The following FAF1 variants were observed in gnomAD, a reference collection of about 807,000 sequenced individuals.
FAF1 encodes the protein FAS-associated factor 1.
A neutral mutation model predicts 92.5 loss-of-function variants in FAF1; 25 were observed. That is an observed-to-expected ratio of 0.27 (90% CI 0.20 to 0.38). The LOEUF is 0.38. Ranked by LOEUF, FAF1 falls within the 10% of genes least tolerant of loss-of-function variation. The probability of loss-of-function intolerance (pLI) is 1.00; values close to 1 mark genes in which losing one functional copy is unlikely to be tolerated. For missense variants in FAF1, 636 were observed against 793.3 expected, an observed-to-expected ratio of 0.80 and a Z score of 2.38; for synonymous variants, 234 against 273.2, an observed-to-expected ratio of 0.86 and a Z score of 1.42.
chr1:50,499,764 A>T (rs1646959622), intron 15 of FAF1, among the ~76,000 whole-genome samples: 2 of 152,024 alleles, frequency 1.3e-5, no homozygotes, highest in South Asian at 4.2e-4. Flanking sequence ...TCTTTTTTCT[A>T]GTCAAGTGAC....
At chr1:50,950,684 C>T (rs149497464) in intron 1 of FAF1, among the ~76,000 whole-genome samples, 11 of 152,200 alleles carry the variant, frequency 7.2e-5, no homozygotes, top group Non-Finnish European at 1.5e-4. Context: ...TATGTGCATT[C>T]CAAGGCTTCT....
chr1:50,908,128 T>A (rs1455620434), intron 1 of FAF1, among the ~76,000 whole-genome samples: 2 of 152,256 alleles, frequency 1.3e-5, no homozygotes, highest in Non-Finnish European at 2.9e-5. Flanking sequence ...TTTCGTTATA[T>A]ACCCAGTAGT....
At chr1:50,931,118 G>A (rs1645043918) in intron 1 of FAF1, among the ~76,000 whole-genome samples, 1 of 151,880 alleles carries the variant, frequency 6.6e-6, no homozygotes, top group Non-Finnish European at 1.5e-5. Context: ...CCAACCTGAT[G>A]GTCTCTACCT....
chr1:50,933,759 A>G (rs574656774), intron 1 of FAF1, among the ~76,000 whole-genome samples: 1 of 152,364 alleles, frequency 6.6e-6, no homozygotes, highest in South Asian at 2.1e-4. Context: ...GAACAAAGAG[A>G]GGTTTAATTC....
intron 6 of FAF1, among the ~76,000 whole-genome samples, chr1:50,733,421 G>A (rs575225575): frequency 1.3e-5 from 2 of 152,206 alleles, no homozygotes; most frequent in South Asian, 2.1e-4. Context: ...GGCTCCACCC[G>A]TATCTCTCTG....
intron 1 of FAF1, among the ~76,000 whole-genome samples, chr1:50,920,301 C>CA (rs370759273): frequency 0.018 from 1,662 of 90,794 alleles, 16 homozygotes; most frequent in African/African-American, 0.044. Context: ...GACTCTGTCT[C>CA]AAAAAAAAAA....
intron 13 of FAF1, among the ~76,000 whole-genome samples, chr1:50,557,584 A>G (rs1471986816): frequency 6.6e-6 from 1 of 152,202 alleles, no homozygotes; most frequent in Non-Finnish European, 1.5e-5. Context: ...ATCTTTTAGC[A>G]TCTATGCAGA....
rs1462610243 is a variant in FAF1, at chr1:50,825,401, A to G, written c.115-23724T>C. ...TACTAACTATGCAACAAATATTACA[A>G]AGTCCTATGTAATACAAGACATAGG... On this transcript the variant is annotated intron_variant, in intron 2 of 18. Transcript: ENST00000396153. 2.6e-5 allele frequency among the ~76,000 whole-genome samples: 4 copies of G among 152,108 alleles called. No homozygotes were observed. The East Asian group carries it at 7.7e-4, about 29-fold the overall frequency.
At chr1:50,725,580 C>G (rs1217915492) in intron 6 of FAF1, among the ~76,000 whole-genome samples, 2 of 152,064 alleles carry the variant, frequency 1.3e-5, no homozygotes, top group Non-Finnish European at 2.9e-5. Flanking sequence ...CTCAGCTATA[C>G]GAGTAGCTGG....
chr1:50,926,790 A>G (rs1355674100), intron 1 of FAF1, among the ~76,000 whole-genome samples: 5 of 152,224 alleles, frequency 3.3e-5, no homozygotes, highest in African/African-American at 1.2e-4. Flanking sequence ...CTTTTAAGGA[A>G]GCAAGGAGTC....
In FAF1 at chr1:50,574,896, C is replaced by CTGTTTTTTTTTTTTTTTTTTTT. The variant is rs1558000811; in HGVS notation, c.1114-7666_1114-7665insAAAAAAAAAAAAAAAAAAAACA. Among the ~76,000 whole-genome samples the CTGTTTTTTTTTTTTTTTTTTTT allele has an allele frequency of 1.3e-4, 16 of 122,916 alleles. 2 individuals carry two copies. Among genetic ancestry groups the CTGTTTTTTTTTTTTTTTTTTTT allele is most frequent in the African/African-American group, 5.2e-4 (16 of 30,806 alleles). The allele number at this position is 122,916 out of a possible 152,430, so 80.6% of individuals were successfully genotyped here. A position where few individuals can be genotyped will look rare whatever the true frequency, so the allele number is the denominator to read the frequency against. On this transcript the variant is annotated intron_variant, in intron 12 of 18. Transcript: ENST00000396153. Reference sequence around the variant, plus strand: ...GTTTAAGCATATAGAGTTGTATTAACTCTTTTTTTTTTTTTTTTTTTTTTT... The same window carrying CTGTTTTTTTTTTTTTTTTTTTT: ...GTTTAAGCATATAGAGTTGTATTAACTGTTTTTTTTTTTTTTTTTTTTTCTTTTTTTTTTTTTTTTTTTTTTT...
At chr1:50,498,944 T>C (rs1646943697) in intron 15 of FAF1, among the ~76,000 whole-genome samples, 1 of 152,012 alleles carries the variant, frequency 6.6e-6, no homozygotes, top group Admixed American at 6.5e-5. Flanking sequence ...CATAGTAGCA[T>C]TATTTACAAT....
intron 3 of FAF1, among the ~76,000 whole-genome samples, chr1:50,791,809 C>T (rs576931190): frequency 6.6e-6 from 1 of 152,276 alleles, no homozygotes; most frequent in East Asian, 1.9e-4. Context: ...GTAACCAATC[C>T]TACCTTAAAT....
chr1:50,893,865 T>C (rs1481781288), intron 1 of FAF1, among the ~76,000 whole-genome samples: 1 of 152,096 alleles, frequency 6.6e-6, no homozygotes, highest in Non-Finnish European at 1.5e-5. Flanking sequence ...ACCTACCTGG[T>C]ATTCTATTGT....
In FAF1 at chr1:50,959,754, C is replaced by A; in HGVS notation, c.45+13G>T. The A allele has an allele frequency of 6.3e-7, 1 of 1,599,860 alleles. No individual in the cohort carries two copies. ...GGTTGGAAGTGGGAGGGGAAGAGGGCCAGATACTTCACCTGAAAATCCGCC... is the reference window on the plus strand; with the variant it reads ...GGTTGGAAGTGGGAGGGGAAGAGGGACAGATACTTCACCTGAAAATCCGCC... On this transcript the variant is annotated intron_variant, in intron 1 of 18. Transcript: ENST00000396153.
chr1:50,910,119 C>T (rs969047778), intron 1 of FAF1, among the ~76,000 whole-genome samples: 1 of 152,210 alleles, frequency 6.6e-6, no homozygotes, highest in South Asian at 2.1e-4. Context: ...CCCTCAGTTG[C>T]AAGTCTGTTG....
At chr1:50,710,174 TA>T (rs1397056873) in intron 6 of FAF1, among the ~76,000 whole-genome samples, 2 of 152,236 alleles carry the variant, frequency 1.3e-5, no homozygotes, top group Admixed American at 1.3e-4. Context: ...TGCATATGTT[TA>T]ATATTTTTAG....
At chr1:50,498,712 TG>T (rs1458106896) in intron 15 of FAF1, among the ~76,000 whole-genome samples, 4 of 151,980 alleles carry the variant, frequency 2.6e-5, no homozygotes, top group Non-Finnish European at 4.4e-5. Flanking sequence ...TACCTGGGTG[TG>T]GGGGCGCATG....
intron 7 of FAF1, among the ~76,000 whole-genome samples, chr1:50,699,798 C>G (rs1199623096): frequency 2.0e-5 from 3 of 152,086 alleles, no homozygotes; most frequent in African/African-American, 7.2e-5. Flanking sequence ...TGTACAAAAT[C>G]TGCTTTGATT....
Sources: allele counts gnomAD v4.1 joint callset (sites outside exome capture counted in the v4.1 genomes callset), GRCh38; gene constraint gnomAD v4.1.1; transcripts MANE v1.5; gene names NCBI Gene and HGNC (gene_info 2026-07-23, HGNC 2026-07-21).